Variants in ARL15 observed in about 807,000 individuals in gnomAD.
ARL15 encodes ADP-ribosylation factor-like protein 15.
A neutral mutation model predicts 25.2 loss-of-function variants in ARL15; 19 were observed. The observed-to-expected ratio is 0.75, with a 90% CI of 0.53 to 1.10. The LOEUF is 1.10. ARL15 is among the 50% of genes least tolerant of loss of function. ARL15 has a pLI of 0.00. For missense variants in ARL15, 220 were observed against 246.0 expected (o/e 0.89, Z 0.71); for synonymous variants, 94 against 86.8 (o/e 1.08, Z -0.46).
chr5:54,196,626 A>C (rs1460043864), intron 1 of ARL15, among the ~76,000 whole-genome samples: 8 of 152,116 alleles, frequency 5.3e-5, no homozygotes, highest in African/African-American at 1.9e-4. Context: ...AATTATTAAA[A>C]TTTCTGTTCT....
At chr5:54,141,768 G>T (rs1055005029) in intron 3 of ARL15, among the ~76,000 whole-genome samples, 1 of 152,032 alleles carries the variant, frequency 6.6e-6, no homozygotes, top group Non-Finnish European at 1.5e-5. Context: ...ATATGAGTTT[G>T]CATTTTCTAA....
intron 4 of ARL15, among the ~76,000 whole-genome samples, chr5:54,073,567 G>A (rs1183150646): frequency 1.3e-5 from 2 of 151,986 alleles, no homozygotes; most frequent in African/African-American, 4.8e-5. Context: ...ACATGGAGTA[G>A]TAAACAATAT....
At chr5:53,889,939 C>T (rs900361501) in intron 4 of ARL15, among the ~76,000 whole-genome samples, 5 of 151,642 alleles carry the variant, frequency 3.3e-5, no homozygotes, top group East Asian at 1.9e-4. Context: ...CAGACTCCCA[C>T]GGAGCGGAGA....
At chr5:54,174,661 G>A (rs1170294566) in intron 1 of ARL15, among the ~76,000 whole-genome samples, 2 of 152,298 alleles carry the variant, frequency 1.3e-5, no homozygotes, top group East Asian at 3.9e-4. Context: ...ACTACTAACA[G>A]CATTCTAAAC....
chr5:54,043,296 C>T (rs531846950), intron 4 of ARL15, among the ~76,000 whole-genome samples: 2 of 151,986 alleles, frequency 1.3e-5, no homozygotes, highest in African/African-American at 4.8e-5. Flanking sequence ...TAGGGGTATG[C>T]CTTATTTATA....
intron 4 of ARL15, among the ~76,000 whole-genome samples, chr5:53,965,426 C>G (rs895276995): frequency 1.3e-5 from 2 of 152,106 alleles, no homozygotes; most frequent in Admixed American, 1.3e-4. Flanking sequence ...TGATTGACAA[C>G]AGTTGACATT....
intron 4 of ARL15, among the ~76,000 whole-genome samples, chr5:53,910,253 CT>C: frequency 6.6e-6 from 1 of 152,256 alleles, no homozygotes; most frequent in South Asian, 2.1e-4. Context: ...GAGAAGTAAT[CT>C]TTAGAGAAGA....
At chr5:53,990,072 T>A (rs1277658403) in intron 4 of ARL15, among the ~76,000 whole-genome samples, 1 of 151,676 alleles carries the variant, frequency 6.6e-6, no homozygotes, top group Non-Finnish European at 1.5e-5. Context: ...ATTGAAAAAT[T>A]TAAAAATTTG....
chr5:54,140,972 A>G (rs989238603), intron 3 of ARL15, among the ~76,000 whole-genome samples: 5 of 152,174 alleles, frequency 3.3e-5, no homozygotes, highest in African/African-American at 1.2e-4. Flanking sequence ...GCTCCTTTCT[A>G]TAAGATCTGC....
intron 4 of ARL15, among the ~76,000 whole-genome samples, chr5:54,092,386 G>A (rs1385646784): frequency 6.6e-6 from 1 of 151,720 alleles, no homozygotes; most frequent in African/African-American, 2.4e-5. Context: ...GGTGAAACAA[G>A]CACATACCTA....
At chr5:54,117,609 T>C (rs1428953249) in intron 3 of ARL15, among the ~76,000 whole-genome samples, 1 of 152,170 alleles carries the variant, frequency 6.6e-6, no homozygotes, top group Admixed American at 6.6e-5. Flanking sequence ...TGTGACTAAA[T>C]GGGAAGTAAG....
At chr5:53,996,573 C>T (rs1482482494) in intron 4 of ARL15, among the ~76,000 whole-genome samples, 2 of 141,204 alleles carry the variant, frequency 1.4e-5, no homozygotes, top group African/African-American at 2.7e-5. Flanking sequence ...GCGCTGAGAT[C>T]GCACCACTGC....
intron 4 of ARL15, among the ~76,000 whole-genome samples, chr5:54,047,003 A>G (rs138633793): frequency 2.6e-5 from 4 of 152,246 alleles, no homozygotes; most frequent in Admixed American, 2.0e-4. Context: ...TCATGCTTCA[A>G]TCTCTCAGTA....
intron 1 of ARL15, among the ~76,000 whole-genome samples, chr5:54,256,149 T>G (rs1757355487): frequency 6.6e-6 from 1 of 151,042 alleles, no homozygotes; most frequent in African/African-American, 2.4e-5. Flanking sequence ...AAGACAAAAC[T>G]GATAGACCAT....
chr5:54,055,399 C>T (rs566715940), intron 4 of ARL15, among the ~76,000 whole-genome samples: 10 of 127,778 alleles, frequency 7.8e-5, no homozygotes, highest in African/African-American at 2.1e-4. Flanking sequence ...CTTGCTCTGT[C>T]GCCCAGGCTG....
chr5:54,068,657 G>T (rs2112059739), intron 4 of ARL15, among the ~76,000 whole-genome samples: 1 of 152,278 alleles, frequency 6.6e-6, no homozygotes, highest in Non-Finnish European at 1.5e-5. Context: ...AAACAAAGCA[G>T]ACAAGAGATT....
chr5:53,968,846 G>A (rs1747649080), intron 4 of ARL15, among the ~76,000 whole-genome samples: 2 of 151,792 alleles, frequency 1.3e-5, no homozygotes, highest in Admixed American at 1.3e-4. Flanking sequence ...TGTTACCTGG[G>A]CACATCTTAT....
chr5:54,309,086 A>C (rs1337537517), intron 1 of ARL15, among the ~76,000 whole-genome samples: 1 of 152,250 alleles, frequency 6.6e-6, no homozygotes, highest in Non-Finnish European at 1.5e-5. Context: ...TGTATTGTGA[A>C]GAATGTTCAT....
At chr5:54,286,573 A>G (rs1043181074) in intron 1 of ARL15, among the ~76,000 whole-genome samples, 1 of 152,260 alleles carries the variant, frequency 6.6e-6, no homozygotes, top group African/African-American at 2.4e-5. Context: ...ATAAATCATC[A>G]TATCAGAAGT....
Sources: gnomAD v4.1 joint callset for allele counts (sites outside exome capture counted in the v4.1 genomes callset) on GRCh38, gnomAD v4.1.1 for gene constraint, MANE v1.5 for transcripts, NCBI Gene and HGNC (gene_info 2026-07-23, HGNC 2026-07-21) for gene names.